ENTPD4: variants seen among roughly 807,000 people sequenced by gnomAD.
ENTPD4 encodes the protein ectonucleoside triphosphate diphosphohydrolase 4, also known as Golgi UDPase.
In ENTPD4, 60 loss-of-function variants were observed where a neutral mutation model predicts 79.1. That is an observed-to-expected ratio of 0.76 (90% CI 0.62 to 0.94). The LOEUF is 0.94. Ranked by LOEUF, ENTPD4 falls within the 40% of genes least tolerant of loss-of-function variation. The pLI is 0.00. For synonymous variants in ENTPD4, 276 were observed against 292.0 expected, an observed-to-expected ratio of 0.95 and a Z score of 0.56; for missense variants, 772 against 775.1, an observed-to-expected ratio of 1.00 and a Z score of 0.05.
chr8:23,445,616 T>A (rs12675817), intron 4 of ENTPD4, among the ~76,000 whole-genome samples: 1 of 151,976 alleles, frequency 6.6e-6, no homozygotes, highest in Non-Finnish European at 1.5e-5. Flanking sequence ...CCAGCCTCCA[T>A]GGAAGTCACC....
chr8:23,442,961 CCAGT>C (rs1323258918), intron 6 of ENTPD4, among the ~76,000 whole-genome samples: 3 of 152,146 alleles, frequency 2.0e-5, no homozygotes, highest in Non-Finnish European at 2.9e-5. Flanking sequence ...GGGCCACCAC[CCAGT>C]CAAACTAAAA....
intron 7 of ENTPD4, 139 bp from the exon 8 acceptor site, chr8:23,441,862 T>C: frequency 1.7e-6 from 2 of 1,149,908 alleles, no homozygotes; most frequent in Non-Finnish European, 2.5e-6. Flanking sequence ...AAAATCAAGT[T>C]GAATTACGTT....
Position 23,430,698 on chromosome 8 carries a change from C to G in ENTPD4, c.*2228G>C. ...ATCCTCAGGTATGTGACTAACTCTT[C>G]TATGCCCAGAGCTGGAAGGCGGGGT... On this transcript the variant is annotated 3_prime_UTR_variant, in exon 13 of 13. Transcript: ENST00000358689. 1 of 985,522 alleles carries G rather than the reference C, an allele frequency of 1.0e-6. No individual in the cohort carries two copies. Among genetic ancestry groups the G allele is most frequent in the South Asian group, 4.7e-5 (1 of 21,290 alleles). The allele number at this position is 985,522 out of a possible 1,614,324, so 61.0% of individuals were successfully genotyped here.
At chr8:23,437,359 T>C (rs1319754453) in intron 9 of ENTPD4, 101 bp from the exon 10 acceptor site, 3 of 831,594 alleles carry the variant, frequency 3.6e-6, no homozygotes, top group Non-Finnish European at 3.8e-6. Context: ...CTGTGGGACA[T>C]GAGACCTGCA....
Position 23,433,020 on chromosome 8 carries a change from C to CGCA in ENTPD4, c.1754_1756dup (p.Leu585dup), listed in dbSNP as rs1563220990. ...CCGGGGAGTGCGCCTGTGGATGCGC[C>CGCA]GCAGCCGCAGCAGGTACAGCAGGAT... On this transcript the variant is annotated inframe_insertion, in exon 13 of 13. Coordinates refer to ENST00000358689, the MANE Select transcript of ENTPD4 (RefSeq NM_004901.5). The CGCA allele has an allele frequency of 1.2e-6, 2 of 1,614,000 alleles. No individual in the cohort carries two copies. Among genetic ancestry groups the CGCA allele is most frequent in the East Asian group, 4.5e-5 (2 of 44,870 alleles).
intron 10 of ENTPD4, among the ~76,000 whole-genome samples, 185 bp from the exon 11 acceptor site, chr8:23,435,662 C>A (rs1225115519): frequency 2.6e-5 from 4 of 152,216 alleles, no homozygotes; most frequent in African/African-American, 9.6e-5. Context: ...GATTCGCAAA[C>A]ACAATGCCTT....
rs1341468020 is a variant in ENTPD4, at chr8:23,432,839, A to T, written c.*87T>A. ...TTGGAGGAACAAAAAAGGGAAAGAA[A>T]AAACAAAACCACAGGAAAATAAAGA... On this transcript the variant is annotated 3_prime_UTR_variant, in exon 13 of 13. Coordinates refer to ENST00000358689, the MANE Select transcript of ENTPD4 (RefSeq NM_004901.5). 1.7e-5 allele frequency: 25 copies of T among 1,456,042 alleles called. No individual in the cohort carries two copies. Among genetic ancestry groups the T allele is most frequent in the Non-Finnish European group, 2.1e-5 (23 of 1,102,908 alleles). The allele number at this position is 1,456,042 out of a possible 1,614,324, so 90.2% of individuals were successfully genotyped here.
In ENTPD4 at chr8:23,447,688, A is replaced by T. The variant is rs768834761; in HGVS notation, c.404T>A (p.Ile135Lys). 1.2e-6 allele frequency: 2 copies of T among 1,613,704 alleles called. No homozygotes were observed. Among genetic ancestry groups the T allele is most frequent in the South Asian group, 2.2e-5 (2 of 91,062 alleles). ...TGTTCTCATTTACATACCCGGTTTT[A>T]TCTTCATGACCACTGGCTTTCGGTT... The part of the protein sequence containing the change: ...DKNRKPVVMK[I>K]KPGISEFATS... Residue 135 changes from isoleucine to lysine, a missense_variant, in exon 4 of 13, where the codon ATA becomes AAA. By Grantham distance (102) the Ile-to-Lys change is moderately radical. Coordinates refer to ENST00000358689, the MANE Select transcript of ENTPD4 (RefSeq NM_004901.5).
chr8:23,431,361 G>C lies in ENTPD4; in HGVS notation c.*1565C>G, dbSNP rs900837346. The C allele has an allele frequency of 7.1e-6, 7 of 985,314 alleles. No individual in the cohort carries two copies. The highest frequency in any genetic ancestry group is 8.4e-6 in the Non-Finnish European group (7 of 829,930). 61.0% of individuals were successfully genotyped at this position (985,314 alleles called of 1,614,324 possible). On this transcript the variant is annotated 3_prime_UTR_variant, in exon 13 of 13. Coordinates refer to ENST00000358689, the MANE Select transcript of ENTPD4 (RefSeq NM_004901.5). ...GGAATTTAACTGTTCTGGAGTTAGG[G>C]AACAGCACACACAGACACTCGCACA...
At chr8:23,451,459 C>T (rs1232254850) in intron 1 of ENTPD4, among the ~76,000 whole-genome samples, 1 of 152,188 alleles carries the variant, frequency 6.6e-6, no homozygotes, top group East Asian at 1.9e-4. Flanking sequence ...CTTCTACCGG[C>T]AGTCTCAACC....
At position 23,431,426 on chromosome 8, in the gene ENTPD4, A is replaced by T; in HGVS notation, c.*1500T>A. 1.0e-6 allele frequency: 1 copy of T among 985,442 alleles called. No homozygotes were observed. Among genetic ancestry groups the T allele is most frequent in the Admixed American group, 6.1e-5 (1 of 16,294 alleles). 61.0% of individuals were successfully genotyped at this position (985,442 alleles called of 1,614,324 possible). The stretch of plus-strand genomic sequence containing the variant: ...TAAAAAAACTGTACGAGAATTCCCC[A>T]AACTTCTCAACTAAATAAATAGGTG... On this transcript the variant is annotated 3_prime_UTR_variant, in exon 13 of 13. Coordinates refer to ENST00000358689, the MANE Select transcript of ENTPD4 (RefSeq NM_004901.5).
At chr8:23,435,010 A>G (rs996408990) in intron 11 of ENTPD4, among the ~76,000 whole-genome samples, 26 of 152,240 alleles carry the variant, frequency 1.7e-4, no homozygotes, top group Non-Finnish European at 3.5e-4. Context: ...GCAACAGAAA[A>G]AGCAGAACAT....
Position 23,431,393 on chromosome 8 carries a change from A to T in ENTPD4, c.*1533T>A. ...ACACACAGACACTCGCACAAAACAA[A>T]CTCCACCTAAAAAAACTGTACGAGA... On this transcript the variant is annotated 3_prime_UTR_variant, in exon 13 of 13. Transcript: ENST00000358689. 1.0e-6 allele frequency: 1 copy of T among 985,194 alleles called. No individual in the cohort carries two copies. Among genetic ancestry groups the T allele is most frequent in the Non-Finnish European group, 1.2e-6 (1 of 829,876 alleles). 61.0% of individuals were successfully genotyped at this position (985,194 alleles called of 1,614,324 possible).
chr8:23,430,931 A>T lies in ENTPD4; in HGVS notation c.*1995T>A. 1 of 985,358 alleles carries T rather than the reference A, an allele frequency of 1.0e-6. No homozygotes were observed. Among genetic ancestry groups the T allele is most frequent in the African/African-American group, 1.7e-5 (1 of 57,322 alleles). The allele number at this position is 985,358 out of a possible 1,614,324, so 61.0% of individuals were successfully genotyped here. On this transcript the variant is annotated 3_prime_UTR_variant, in exon 13 of 13. Transcript: ENST00000358689. ...GCCAGAAGCTCACCCCTTTCTTAACAACTTTGACCACGAAGCGCAAATACG... is the reference window on the plus strand; with the variant it reads ...GCCAGAAGCTCACCCCTTTCTTAACTACTTTGACCACGAAGCGCAAATACG...
chr8:23,450,097 C>A, intron 1 of ENTPD4, 100 bp from the exon 2 acceptor site: 1 of 640,126 alleles, frequency 1.6e-6, no homozygotes, highest in Non-Finnish European at 2.8e-6. Context: ...ATAATCTATA[C>A]ATGATCCTTG....
Position 23,429,422 on chromosome 8 carries a change from CTT to C in ENTPD4, c.*3502_*3503del. The C allele has an allele frequency of 2.0e-6, 2 of 985,074 alleles. No individual in the cohort carries two copies. The highest frequency in any genetic ancestry group is 3.5e-5 in the African/African-American group (2 of 57,358). 61.0% of individuals were successfully genotyped at this position (985,074 alleles called of 1,614,324 possible). On this transcript the variant is annotated 3_prime_UTR_variant, in exon 13 of 13. Coordinates refer to ENST00000358689, the MANE Select transcript of ENTPD4 (RefSeq NM_004901.5). ...ACATCATTCATTATTGAAAGGGAAA[CTT>C]AGTATCAAAAGAAACAAAACACTGA...
intron 9 of ENTPD4, among the ~76,000 whole-genome samples, chr8:23,439,420 G>A (rs1379269076): frequency 1.3e-5 from 2 of 152,096 alleles, no homozygotes; most frequent in Non-Finnish European, 2.9e-5. Flanking sequence ...CCAGATACTG[G>A]GTTTCCCAAG....
At chr8:23,455,708 C>G (rs531172697) in intron 1 of ENTPD4, among the ~76,000 whole-genome samples, 1 of 152,272 alleles carries the variant, frequency 6.6e-6, no homozygotes, top group South Asian at 2.1e-4. Flanking sequence ...TCCTCAAGTT[C>G]CAGTTCCACG....
Position 23,431,979 on chromosome 8 carries a change from A to G in ENTPD4, c.*947T>C. The G allele has an allele frequency of 1.0e-6, 1 of 985,338 alleles. No individual in the cohort carries two copies. The highest frequency in any genetic ancestry group is 4.7e-5 in the South Asian group (1 of 21,288). The allele number at this position is 985,338 out of a possible 1,614,324, so 61.0% of individuals were successfully genotyped here. On this transcript the variant is annotated 3_prime_UTR_variant, in exon 13 of 13. Coordinates refer to ENST00000358689, the MANE Select transcript of ENTPD4 (RefSeq NM_004901.5). ...AAGTGTGTGTTTTTAAAGAACCAGC[A>G]TTGCCTCCCCTCACGCTGGTTTCTT...
Sources: allele counts gnomAD v4.1 joint callset (sites outside exome capture counted in the v4.1 genomes callset), GRCh38; gene constraint gnomAD v4.1.1; transcripts MANE v1.5; gene names NCBI Gene and HGNC (gene_info 2026-07-23, HGNC 2026-07-21).